CPM: variants seen among roughly 807,000 people sequenced by gnomAD.
CPM encodes the protein carboxypeptidase M, also known as renal carboxypeptidase.
Under a neutral mutation model 46.4 loss-of-function variants are expected in CPM, and 35 were observed. That is an observed-to-expected ratio of 0.75 (90% CI 0.58 to 1.00). The LOEUF is 1.00. Among genes scored for constraint, CPM ranks in the 50% least tolerant of loss-of-function variants. CPM has a pLI of 0.00. For synonymous variants in CPM, 195 were observed against 195.3 expected, an observed-to-expected ratio of 1.00 and a Z score of 0.01; for missense variants, 422 against 530.4, an observed-to-expected ratio of 0.80 and a Z score of 2.01.
At chr12:68,923,457 C>T (rs996280599) in intron 2 of CPM, among the ~76,000 whole-genome samples, 1 of 152,132 alleles carries the variant, frequency 6.6e-6, no homozygotes, top group African/African-American at 2.4e-5. Flanking sequence ...ACATGAGCTT[C>T]AAGTGGGTCC....
chr12:68,905,247 G>T (rs963922050), intron 2 of CPM, among the ~76,000 whole-genome samples: 1 of 151,792 alleles, frequency 6.6e-6, no homozygotes, highest in Admixed American at 6.6e-5. Flanking sequence ...CTCATGATAC[G>T]CATGAGAAGG....
At chr12:68,917,393 A>G (rs1219049118) in intron 2 of CPM, among the ~76,000 whole-genome samples, 1 of 152,244 alleles carries the variant, frequency 6.6e-6, no homozygotes, top group Non-Finnish European at 1.5e-5. Flanking sequence ...GGCATTCAAT[A>G]AATGTTTACT....
At chr12:68,866,437 G>A (rs149825825) in intron 7 of CPM, among the ~76,000 whole-genome samples, 58 of 152,196 alleles carry the variant, frequency 3.8e-4, no homozygotes, top group African/African-American at 1.3e-3. Flanking sequence ...TCTGCCTCCC[G>A]GGTTCAAGTG....
intron 5 of CPM, chr12:68,844,657 CAAAA>C (rs11296638): frequency 3.1e-5 from 7 of 225,898 alleles, no homozygotes; most frequent in Middle Eastern, 1.3e-3. Flanking sequence ...CAGAAAAAAA[CAAAA>C]AAACTGGCTT....
intron 2 of CPM, among the ~76,000 whole-genome samples, chr12:68,887,618 T>C (rs1886486767): frequency 6.6e-6 from 1 of 152,210 alleles, no homozygotes; most frequent in South Asian, 2.1e-4. Context: ...ATCTATTTAA[T>C]GAATACTACT....
At position 68,851,728 on chromosome 12, in the gene CPM, A is replaced by G. The variant is rs1247912821; in HGVS notation, c.*4709T>C. 4 of 152,234 alleles carry G rather than the reference A, an allele frequency of 2.6e-5. No homozygotes were observed. The highest frequency in any genetic ancestry group is 2.6e-4 in the Admixed American group (4 of 15,282). The allele number at this position is 152,234 out of a possible 1,614,324, so 9.4% of individuals were successfully genotyped here. On this transcript the variant is annotated 3_prime_UTR_variant, in exon 9 of 9. Coordinates refer to ENST00000551568, the MANE Select transcript of CPM (RefSeq NM_198320.5). ...CAAAAGTATGATAAAATGGTGAGCA[A>G]TACTGTACAGTATCTGCTTATTAGT...
At chr12:68,901,044 C>T (rs1476765602) in intron 2 of CPM, among the ~76,000 whole-genome samples, 2 of 152,150 alleles carry the variant, frequency 1.3e-5, no homozygotes, top group Middle Eastern at 3.2e-3. Context: ...AGGCTATGCG[C>T]GTGTGGGGAT....
At chr12:68,844,804 T>C (rs979543688) in intron 5 of CPM, 3 of 200,586 alleles carry the variant, frequency 1.5e-5, no homozygotes, top group African/African-American at 6.9e-5. Flanking sequence ...TCTTGCTCTG[T>C]GGCTCAGGCT....
At chr12:68,957,293 A>G (rs994430715) in intron 1 of CPM, 2 of 154,294 alleles carry the variant, frequency 1.3e-5, no homozygotes, top group Non-Finnish European at 2.9e-5. Context: ...GGTGTCTGTG[A>G]TGTGCTGTGA....
intron 8 of CPM, 120 bp from the exon 9 acceptor site, chr12:68,856,799 C>A: frequency 7.6e-7 from 1 of 1,315,360 alleles, no homozygotes; most frequent in Non-Finnish European, 1.0e-6. Context: ...AACAATCTAC[C>A]AGACCTCTGG....
At chr12:68,948,259 G>A (rs1229041878) in intron 1 of CPM, among the ~76,000 whole-genome samples, 1 of 152,064 alleles carries the variant, frequency 6.6e-6, no homozygotes, top group Non-Finnish European at 1.5e-5. Context: ...TTATTTTTTG[G>A]AGTTTATATT....
chr12:68,894,503 C>A (rs1886786752), intron 2 of CPM, among the ~76,000 whole-genome samples: 1 of 152,182 alleles, frequency 6.6e-6, no homozygotes, highest in Non-Finnish European at 1.5e-5. Context: ...GAGGCAGGTT[C>A]CTTTCTGCAC....
chr12:68,944,792 GTCTT>G (rs979722826), intron 1 of CPM, among the ~76,000 whole-genome samples: 2 of 151,868 alleles, frequency 1.3e-5, no homozygotes, highest in East Asian at 3.9e-4. Context: ...ACTCAAATCA[GTCTT>G]TCTGAGAACT....
chr12:68,868,590 T>A (rs1224578725), intron 6 of CPM, among the ~76,000 whole-genome samples: 2 of 152,084 alleles, frequency 1.3e-5, no homozygotes, highest in African/African-American at 4.8e-5. Flanking sequence ...CTGTTTATAT[T>A]ATTCCCTCTA....
rs535026169 is a variant in CPM, at chr12:68,852,669, T to A, written c.*3768A>T. 3 of 152,262 alleles carry A rather than the reference T, an allele frequency of 2.0e-5. No homozygotes were observed. The South Asian group carries it at 6.2e-4, about 32-fold the overall frequency. The allele number at this position is 152,262 out of a possible 1,614,324, so 9.4% of individuals were successfully genotyped here. A position where few individuals can be genotyped will look rare whatever the true frequency, so the allele number is the denominator to read the frequency against. On this transcript the variant is annotated 3_prime_UTR_variant, in exon 9 of 9. Transcript: ENST00000551568. ...CCTTCTGGGTTCAGGCGATTTCTCC[T>A]GCCTCAGCCTCCCAAGTAGCTGGGA...
exon 6 of CPM, chr12:68,842,272 A>G (rs1883833324): frequency 2.0e-6 from 1 of 496,818 alleles, no homozygotes; most frequent in Non-Finnish European, 4.0e-6. Context: ...AAAGTTCAGG[A>G]CATCAAAGAA....
Position 68,919,033 on chromosome 12 carries a change from C to G in CPM, c.160+13645G>C, listed in dbSNP as rs1887928555. 2.0e-5 allele frequency among the ~76,000 whole-genome samples: 3 copies of G among 152,176 alleles called. No homozygotes were observed. The East Asian group carries it at 5.8e-4, about 29-fold the overall frequency. On this transcript the variant is annotated intron_variant, in intron 2 of 8. Transcript: ENST00000551568. ...CCCTTGCTCACTGGGCTCCAGCCAC[C>G]CTGGTCTCACTTCTGTTCTACTCTT... is the stretch of plus-strand genomic sequence containing the variant.
chr12:68,890,391 A>G (rs1163777686), intron 2 of CPM, among the ~76,000 whole-genome samples: 1 of 151,728 alleles, frequency 6.6e-6, no homozygotes, highest in Admixed American at 6.6e-5. Flanking sequence ...ACCAAACCCT[A>G]TCATTCATTA....
chr12:68,933,775 C>T, upstream of CPM, among the ~76,000 whole-genome samples: 1 of 152,204 alleles, frequency 6.6e-6, no homozygotes, highest in South Asian at 2.1e-4. Context: ...TTAAATGCCA[C>T]GAAGTGCAGA....
Sources: gnomAD v4.1 joint callset for allele counts (sites outside exome capture counted in the v4.1 genomes callset) on GRCh38, gnomAD v4.1.1 for gene constraint, MANE v1.5 for transcripts, NCBI Gene and HGNC (gene_info 2026-07-23, HGNC 2026-07-21) for gene names.